Variants in FBXL20 observed in about 807,000 individuals in gnomAD.
FBXL20 encodes F-box/LRR-repeat protein 20.
In FBXL20, 11 loss-of-function variants were observed where a neutral mutation model predicts 64.0. That is an observed-to-expected ratio of 0.17 (90% CI 0.11 to 0.28). The LOEUF is 0.28. FBXL20 is among the 10% of genes least tolerant of loss of function. FBXL20 has a pLI of 1.00. For synonymous variants in FBXL20, 184 were observed against 189.0 expected (o/e 0.97, Z 0.22); for missense variants, 303 against 526.2 (o/e 0.58, Z 4.15).
chr17:39,339,347 G>A (rs1160197259), intron 2 of FBXL20, among the ~76,000 whole-genome samples: 1 of 152,032 alleles, frequency 6.6e-6, no homozygotes, highest in East Asian at 1.9e-4. Flanking sequence ...ATGTACCTGA[G>A]TCCCAGCTAC....
intron 13 of FBXL20, 93 bp downstream of exon 13, chr17:39,265,304 G>T: frequency 1.1e-6 from 1 of 930,246 alleles, no homozygotes; most frequent in Non-Finnish European, 1.7e-6. Context: ...TTCCTAAAAT[G>T]GTAGCCAGAC....
chr17:39,348,753 AC>A (rs1397524116), intron 1 of FBXL20, among the ~76,000 whole-genome samples: 1 of 152,178 alleles, frequency 6.6e-6, no homozygotes, highest in African/African-American at 2.4e-5. Flanking sequence ...AGGTTGGAGT[AC>A]AGTGGTCCTA....
At chr17:39,302,058 G>C (rs556670062) in intron 3 of FBXL20, among the ~76,000 whole-genome samples, 2 of 151,872 alleles carry the variant, frequency 1.3e-5, no homozygotes, top group South Asian at 2.1e-4. Context: ...TTTATGAAAA[G>C]CAAGTCTTTC....
intron 1 of FBXL20, among the ~76,000 whole-genome samples, chr17:39,381,684 A>C (rs888891010): frequency 1.3e-5 from 2 of 150,878 alleles, no homozygotes; most frequent in African/African-American, 4.9e-5. Flanking sequence ...TTAGCTACTC[A>C]GGGGGCTGAG....
chr17:39,368,476 T>TA (rs1473660161), intron 1 of FBXL20, among the ~76,000 whole-genome samples: 4 of 152,340 alleles, frequency 2.6e-5, no homozygotes, highest in Admixed American at 2.6e-4. Context: ...ATCTGTTTCT[T>TA]AAGAGACCTT....
intron 1 of FBXL20, among the ~76,000 whole-genome samples, chr17:39,354,534 T>C (rs1375538015): frequency 6.6e-6 from 1 of 152,190 alleles, no homozygotes; most frequent in Non-Finnish European, 1.5e-5. Flanking sequence ...ACCATGTCTG[T>C]TTTGTCACCA....
At chr17:39,379,706 A>G (rs2048004312) in intron 1 of FBXL20, among the ~76,000 whole-genome samples, 1 of 152,104 alleles carries the variant, frequency 6.6e-6, no homozygotes, top group African/African-American at 2.4e-5. Flanking sequence ...CTTGAGCCTC[A>G]GGAGTTTGAG....
rs560346928 is a variant in FBXL20, at chr17:39,323,974, C to T, written c.104+19206G>A. On this transcript the variant is annotated intron_variant, in intron 2 of 14. Coordinates refer to ENST00000264658, the MANE Select transcript of FBXL20 (RefSeq NM_032875.3). Reference sequence around the variant, plus strand: ...AGAGACGGGGTTTCACCATGTTGGCCAGGCTGGTCTCGAACTCCTGACCTC... The same window carrying T: ...AGAGACGGGGTTTCACCATGTTGGCTAGGCTGGTCTCGAACTCCTGACCTC... Among the ~76,000 whole-genome samples the T allele has an allele frequency of 4.3e-4, 64 of 148,016 alleles. 3 individuals are homozygous for T. The highest frequency in any genetic ancestry group is 1.6e-3 in the African/African-American group (60 of 37,816).
At chr17:39,303,532 T>G in intron 3 of FBXL20, 53 bp downstream of exon 3, 1 of 1,460,300 alleles carries the variant, frequency 6.8e-7, no homozygotes, top group Non-Finnish European at 9.4e-7. Flanking sequence ...AAAGAGGCTG[T>G]TATCATCAGT....
intron 2 of FBXL20, among the ~76,000 whole-genome samples, chr17:39,328,995 A>G (rs1261428926): frequency 6.6e-6 from 1 of 152,174 alleles, no homozygotes; most frequent in African/African-American, 2.4e-5. Flanking sequence ...TCAAGGGTGC[A>G]GTGTGCTTTC....
chr17:39,340,152 G>A lies in FBXL20; in HGVS notation c.104+3028C>T, dbSNP rs575708943. 3.8e-4 allele frequency among the ~76,000 whole-genome samples: 57 copies of A among 151,896 alleles called. 1 individual carries two copies. The highest frequency in any genetic ancestry group is 2.1e-3 in the Admixed American group (32 of 15,258). On this transcript the variant is annotated intron_variant, in intron 2 of 14. Transcript: ENST00000264658. ...TCGCTCTGTTGTGAGGCTGGAGCGCGGTGGCGCGATCTTGGCTCACTGCAA... is the reference window on the plus strand; with the variant it reads ...TCGCTCTGTTGTGAGGCTGGAGCGCAGTGGCGCGATCTTGGCTCACTGCAA...
chr17:39,360,217 CA>C (rs1403189588), intron 1 of FBXL20, among the ~76,000 whole-genome samples: 14 of 151,982 alleles, frequency 9.2e-5, no homozygotes, highest in African/African-American at 3.1e-4. Flanking sequence ...TGGTGGTTGG[CA>C]GGGGCTAAAA....
intron 1 of FBXL20, among the ~76,000 whole-genome samples, chr17:39,355,098 AT>A (rs2047722943): frequency 2.0e-5 from 3 of 152,040 alleles, no homozygotes; most frequent in Admixed American, 2.0e-4. Context: ...TGCCCAGCTA[AT>A]TTTTTATTTT....
intron 2 of FBXL20, among the ~76,000 whole-genome samples, chr17:39,324,637 T>G (rs925357766): frequency 2.6e-5 from 4 of 152,182 alleles, no homozygotes; most frequent in Non-Finnish European, 5.9e-5. Context: ...ATAAAAACAT[T>G]TATAAAATTG....
chr17:39,386,298 C>A (rs995605315), intron 1 of FBXL20, among the ~76,000 whole-genome samples: 1 of 151,422 alleles, frequency 6.6e-6, no homozygotes, highest in Non-Finnish European at 1.5e-5. Context: ...CAGAGCAAGA[C>A]TCTGTCTCAA....
chr17:39,269,607 T>C (rs1220287292), intron 11 of FBXL20, among the ~76,000 whole-genome samples: 4 of 151,252 alleles, frequency 2.6e-5, no homozygotes, highest in Non-Finnish European at 5.9e-5. Context: ...CAAGCGATTC[T>C]CCTGCCTCAG....
intron 2 of FBXL20, among the ~76,000 whole-genome samples, chr17:39,315,282 T>C (rs1233198279): frequency 6.6e-6 from 1 of 151,920 alleles, no homozygotes; most frequent in Admixed American, 6.6e-5. Context: ...CCCTGATGGC[T>C]AATGATGTTG....
At chr17:39,389,931 T>C (rs891297593) in intron 1 of FBXL20, among the ~76,000 whole-genome samples, 2 of 152,030 alleles carry the variant, frequency 1.3e-5, no homozygotes, top group Non-Finnish European at 2.9e-5. Flanking sequence ...GGGGCGGAGG[T>C]AGGGTGCGGT....
At chr17:39,340,520 G>A (rs566854211) in intron 2 of FBXL20, among the ~76,000 whole-genome samples, 41 of 152,308 alleles carry the variant, frequency 2.7e-4, no homozygotes, top group African/African-American at 9.9e-4. Flanking sequence ...GTGAGCCACT[G>A]TGCCCATCCA....
Sources: allele counts gnomAD v4.1 joint callset (sites outside exome capture counted in the v4.1 genomes callset), GRCh38; gene constraint gnomAD v4.1.1; transcripts MANE v1.5; gene names NCBI Gene and HGNC (gene_info 2026-07-23, HGNC 2026-07-21).